PDE3A: variants seen among roughly 807,000 people sequenced by gnomAD.
PDE3A encodes the protein cGMP-inhibited 3',5'-cyclic phosphodiesterase 3A.
PDE3A carries 43 observed loss-of-function variants against 98.3 expected under a neutral mutation model. The ratio of observed to expected loss-of-function variants is 0.44; its 90% CI spans 0.34 to 0.56. PDE3A has a LOEUF of 0.56. PDE3A is among the 20% of genes least tolerant of loss of function. PDE3A has a pLI of 0.01. For synonymous variants in PDE3A, 663 were observed against 567.9 expected, an observed-to-expected ratio of 1.17 and a Z score of -2.38; for missense variants, 1,427 against 1,440.7, an observed-to-expected ratio of 0.99 and a Z score of 0.15.
intron 5 of PDE3A, among the ~76,000 whole-genome samples, chr12:20,627,657 T>C (rs1382034006): frequency 6.6e-6 from 1 of 152,138 alleles, no homozygotes; most frequent in African/African-American, 2.4e-5. Context: ...TGTGCATTGT[T>C]TTCTTCCTAT....
chr12:20,412,529 A>T (rs1437002983), intron 1 of PDE3A, among the ~76,000 whole-genome samples: 1 of 152,158 alleles, frequency 6.6e-6, no homozygotes, highest in Non-Finnish European at 1.5e-5. Context: ...TTAGATACAT[A>T]TGTAAGAAAG....
In PDE3A at chr12:20,668,272, A is replaced by G. The variant is rs986423411; in HGVS notation, c.3185-11758A>G. On this transcript the variant is annotated intron_variant, in intron 15 of 15. Transcript: ENST00000359062. Reference sequence around the variant, plus strand: ...TGCAAGGCGGCAGTGAGGCTGGGGGAGGGGCGCCCGCCATTGCCCAGGCTT... The same window carrying G: ...TGCAAGGCGGCAGTGAGGCTGGGGGGGGGGCGCCCGCCATTGCCCAGGCTT... 4.5e-4 allele frequency among the ~76,000 whole-genome samples: 63 copies of G among 140,504 alleles called. 1 individual carries two copies. The South Asian group carries it at 9.1e-3, about 20-fold the overall frequency. The allele number at this position is 140,504 out of a possible 152,430, so 92.2% of individuals were successfully genotyped here.
chr12:20,540,550 A>G (rs1390851159), intron 1 of PDE3A, among the ~76,000 whole-genome samples: 2 of 152,128 alleles, frequency 1.3e-5, no homozygotes, highest in African/African-American at 4.8e-5. Flanking sequence ...AACTTCTACG[A>G]AAGTGTAAAT....
chr12:20,437,389 G>T (rs1179965795), intron 1 of PDE3A, among the ~76,000 whole-genome samples: 1 of 152,050 alleles, frequency 6.6e-6, no homozygotes, highest in African/African-American at 2.4e-5. Context: ...CATACCTAAG[G>T]TTGTGTAAAT....
At chr12:20,386,098 T>A (rs1462152524) in intron 1 of PDE3A, among the ~76,000 whole-genome samples, 7 of 46,396 alleles carry the variant, frequency 1.5e-4, no homozygotes, top group South Asian at 7.2e-4. Context: ...TAAATATATA[T>A]AAATATATAT....
intron 2 of PDE3A, among the ~76,000 whole-genome samples, chr12:20,560,711 A>G (rs1456892595): frequency 6.6e-6 from 1 of 152,216 alleles, no homozygotes; most frequent in Non-Finnish European, 1.5e-5. Flanking sequence ...GATGAAAAGA[A>G]TTAGTGTGGA....
chr12:20,501,428 T>C (rs972578498), intron 1 of PDE3A, among the ~76,000 whole-genome samples: 8 of 152,182 alleles, frequency 5.3e-5, no homozygotes, highest in African/African-American at 1.9e-4. Context: ...AGTGGAAGTA[T>C]ACATGATTGA....
chr12:20,675,836 A>G (rs1261440126), intron 15 of PDE3A, among the ~76,000 whole-genome samples: 3 of 152,112 alleles, frequency 2.0e-5, no homozygotes, highest in Middle Eastern at 3.4e-3. Flanking sequence ...TCTAGTCTAT[A>G]TCTGTCTTTT....
Position 20,370,123 on chromosome 12 carries a change from A to G in PDE3A, c.839A>G (p.Lys280Arg). 1 of 1,613,430 alleles carries G rather than the reference A, an allele frequency of 6.2e-7. No individual in the cohort carries two copies. Among genetic ancestry groups the G allele is most frequent in the Non-Finnish European group, 8.5e-7 (1 of 1,179,968 alleles). The change falls in exon 1 of 16, where the codon AAG (lysine) becomes AGG (arginine). Residue 280 changes from lysine (K) to arginine (R), a missense_variant. By Grantham distance (26) the Lys-to-Arg change is conservative (BLOSUM62 2). This residue lies in a region of PDE3A where 1,012 missense variants were observed against 886.5 expected (regional missense o/e 1.14). Coordinates refer to ENST00000359062, the MANE Select transcript of PDE3A (RefSeq NM_000921.5). ...HLGSQLIAGT[K>R]EDIPVFKRRR... ...GGGTCCCAGCTGATTGCTGGGACCAAGGAAGATATCCCGGTGTTTAAGAGG... is the reference window on the plus strand; with the variant it reads ...GGGTCCCAGCTGATTGCTGGGACCAGGGAAGATATCCCGGTGTTTAAGAGG...
rs1489118097 is a variant in PDE3A at position 20,644,844 on chromosome 12, TCCTCCTCCC to T, written c.2252-1632_2252-1624del. ...CTCCTCCTCCTTCCCCTCCTCCTCC[TCCTCCTCCC>T]CCTCCTCCCCCTCTTCCCCCTCTTC... On this transcript the variant is annotated intron_variant, in intron 10 of 15. Transcript: ENST00000359062. Among the ~76,000 whole-genome samples the T allele has an allele frequency of 7.5e-3, 1,029 of 137,340 alleles. 11 individuals carry two copies. The highest frequency in any genetic ancestry group is 0.025 in the African/African-American group (969 of 38,004). 90.1% of individuals were successfully genotyped at this position (137,340 alleles called of 152,430 possible). A position where few individuals can be genotyped will look rare whatever the true frequency, so the allele number is the denominator to read the frequency against.
At chr12:20,531,417 T>C (rs1413618150) in intron 1 of PDE3A, among the ~76,000 whole-genome samples, 1 of 152,184 alleles carries the variant, frequency 6.6e-6, no homozygotes, top group African/African-American at 2.4e-5. Flanking sequence ...ACAAAATGTA[T>C]AGTTGAGTTT....
chr12:20,585,560 G>GT (rs1943172658), intron 2 of PDE3A, among the ~76,000 whole-genome samples: 1 of 152,136 alleles, frequency 6.6e-6, no homozygotes, highest in Admixed American at 6.5e-5. Flanking sequence ...GAGACCTTTA[G>GT]TAAGTAACAA....
At chr12:20,605,502 T>G (rs1360850344) in intron 2 of PDE3A, among the ~76,000 whole-genome samples, 2 of 152,090 alleles carry the variant, frequency 1.3e-5, no homozygotes, top group East Asian at 3.8e-4. Flanking sequence ...TCTTTTTTCT[T>G]ATTTGATGGG....
chr12:20,388,031 C>G (rs1943843791), intron 1 of PDE3A, among the ~76,000 whole-genome samples: 1 of 151,936 alleles, frequency 6.6e-6, no homozygotes, highest in Non-Finnish European at 1.5e-5. Context: ...ACGTATTTTA[C>G]AATCAGCAAA....
chr12:20,610,360 C>T (rs1316306789), intron 2 of PDE3A, among the ~76,000 whole-genome samples: 2 of 151,902 alleles, frequency 1.3e-5, no homozygotes, highest in East Asian at 1.9e-4. Flanking sequence ...CACTTCACTC[C>T]TGTTAGGATG....
chr12:20,390,527 C>T (rs1258368963), intron 1 of PDE3A, among the ~76,000 whole-genome samples: 1 of 149,886 alleles, frequency 6.7e-6, no homozygotes, highest in African/African-American at 2.5e-5. Context: ...TAACAAAGGG[C>T]ATGAACGCCA....
At chr12:20,551,913 C>T in intron 1 of PDE3A, 3 of 1,613,390 alleles carry the variant, frequency 1.9e-6, no homozygotes, top group Non-Finnish European at 1.7e-6. Context: ...CCGTGGGCAC[C>T]ATGTGGCGGT....
At chr12:20,512,374 CTT>C (rs1220085791) in intron 1 of PDE3A, among the ~76,000 whole-genome samples, 2 of 152,166 alleles carry the variant, frequency 1.3e-5, no homozygotes, top group African/African-American at 4.8e-5. Flanking sequence ...ATTATACACT[CTT>C]TAATTATTTT....
chr12:20,436,525 A>G (rs1056519565), intron 1 of PDE3A, among the ~76,000 whole-genome samples: 2 of 152,150 alleles, frequency 1.3e-5, no homozygotes, highest in Admixed American at 1.3e-4. Context: ...TGACAGTTAT[A>G]GTGTCTGGGA....
Sources: allele counts gnomAD v4.1 joint callset (sites outside exome capture counted in the v4.1 genomes callset), GRCh38; gene constraint gnomAD v4.1.1; regional missense constraint gnomAD v4.1.1; transcripts MANE v1.5; gene names NCBI Gene and HGNC (gene_info 2026-07-23, HGNC 2026-07-21).